Variants in RABEP1 observed in about 807,000 individuals in gnomAD.
The protein encoded by RABEP1 is rabaptin, RAB GTPase binding effector protein 1, also known as rab GTPase-binding effector protein 1.
In RABEP1, 51 loss-of-function variants were observed where a neutral mutation model predicts 123.4. The observed-to-expected ratio is 0.41, with a 90% CI of 0.33 to 0.52. RABEP1 has a LOEUF of 0.52. RABEP1 is among the 20% of genes least tolerant of loss of function. RABEP1 has a pLI of 0.16. For missense variants in RABEP1, 888 were observed against 996.3 expected (o/e 0.89, Z 1.46); for synonymous variants, 347 against 355.2 (o/e 0.98, Z 0.26).
chr17:5,348,827 G>C (rs150866751), intron 6 of RABEP1, among the ~76,000 whole-genome samples: 4,645 of 152,056 alleles, frequency 0.031, 80 homozygotes, highest in Middle Eastern at 0.061. Context: ...TCCCAGAGTG[G>C]TGGGATTACA....
intron 7 of RABEP1, among the ~76,000 whole-genome samples, chr17:5,352,770 G>T (rs920368539): frequency 1.3e-5 from 2 of 152,052 alleles, no homozygotes; most frequent in Non-Finnish European, 2.9e-5. Context: ...GGCGGAGGTT[G>T]CAGTGAGCCG....
Position 5,385,000 on chromosome 17 carries a change from G to C in RABEP1, c.*1777G>C, listed in dbSNP as rs1331964771. ...CAGCCTTTCTGAACTGACTGAACTA[G>C]AGCTTGCAGTGAAGTGTTCTGCTGA... On this transcript the variant is annotated 3_prime_UTR_variant, in exon 18 of 18. Coordinates refer to ENST00000537505, the MANE Select transcript of RABEP1 (RefSeq NM_004703.6). 1 of 228,820 alleles carries C rather than the reference G, an allele frequency of 4.4e-6. No individual in the cohort carries two copies. Among genetic ancestry groups the C allele is most frequent in the East Asian group, 6.3e-5 (1 of 15,926 alleles). The allele number at this position is 228,820 out of a possible 1,614,324, so 14.2% of individuals were successfully genotyped here.
intron 1 of RABEP1, among the ~76,000 whole-genome samples, chr17:5,287,693 G>A (rs2074993226): frequency 6.6e-6 from 1 of 151,832 alleles, no homozygotes; most frequent in South Asian, 2.1e-4. Context: ...GCCTAGGTGG[G>A]TGGATTGCTT....
intron 10 of RABEP1, 86 bp downstream of exon 10, chr17:5,363,102 C>T (rs1909701282): frequency 1.2e-5 from 11 of 950,768 alleles, no homozygotes; most frequent in Non-Finnish European, 1.7e-5. Flanking sequence ...CGGCCCCAGC[C>T]CCATTTACAT....
intron 1 of RABEP1, among the ~76,000 whole-genome samples, chr17:5,308,353 G>C (rs2075201175): frequency 6.6e-6 from 1 of 151,754 alleles, no homozygotes; most frequent in Admixed American, 6.6e-5. Flanking sequence ...AGCCTCCTGA[G>C]TAGCTGGGAT....
At chr17:5,286,277 C>T (rs532951399) in intron 1 of RABEP1, among the ~76,000 whole-genome samples, 1 of 152,320 alleles carries the variant, frequency 6.6e-6, no homozygotes, top group East Asian at 1.9e-4. Context: ...AGATGGATCA[C>T]AAGGTCAGGC....
intron 8 of RABEP1, among the ~76,000 whole-genome samples, chr17:5,357,462 C>T (rs1218159127): frequency 6.6e-6 from 1 of 152,056 alleles, no homozygotes; most frequent in East Asian, 1.9e-4. Flanking sequence ...GCCTCCACCT[C>T]TTGGGTTCAA....
intron 4 of RABEP1, chr17:5,336,837 G>A (rs1238912654): frequency 1.2e-5 from 2 of 169,766 alleles, no homozygotes; most frequent in African/African-American, 4.8e-5. Flanking sequence ...ATGGCTTTGT[G>A]TAAGGACCTG....
At chr17:5,345,136 G>GTT (rs1907966353) in intron 5 of RABEP1, among the ~76,000 whole-genome samples, 1 of 152,134 alleles carries the variant, frequency 6.6e-6, no homozygotes, top group Non-Finnish European at 1.5e-5. Context: ...GGTTGTAAGG[G>GTT]TTATAGAGAA....
In RABEP1 at chr17:5,363,210, T is replaced by G. The variant is rs192971964; in HGVS notation, c.1668+194T>G. On this transcript the variant is annotated intron_variant, in intron 10 of 17. Transcript: ENST00000537505. ...AGCTCACTAGGACTCTGCTTTTTTTTTTTTTGTTTTTGTTTTTGTTTGTTT... is the reference window on the plus strand; with the variant it reads ...AGCTCACTAGGACTCTGCTTTTTTTGTTTTTGTTTTTGTTTTTGTTTGTTT... Among the ~76,000 whole-genome samples the G allele has an allele frequency of 4.1e-3, 622 of 151,786 alleles. 8 individuals are homozygous for G. The highest frequency in any genetic ancestry group is 8.6e-3 in the African/African-American group (355 of 41,404).
chr17:5,377,315 A>G lies in RABEP1; in HGVS notation c.2215+10A>G. ...TGCAAGGAGGAAATAGGTGAAGATA[A>G]AAGTGATGTAGTTTAGAATTAGAGT... On this transcript the variant is annotated intron_variant, in intron 14 of 17. Coordinates refer to ENST00000537505, the MANE Select transcript of RABEP1 (RefSeq NM_004703.6). 1 of 1,570,002 alleles carries G rather than the reference A, an allele frequency of 6.4e-7. No homozygotes were observed. Among genetic ancestry groups the G allele is most frequent in the Non-Finnish European group, 8.6e-7 (1 of 1,166,378 alleles).
chr17:5,314,600 G>A (rs1006093049), intron 2 of RABEP1, among the ~76,000 whole-genome samples: 1 of 148,468 alleles, frequency 6.7e-6, no homozygotes, highest in African/African-American at 2.5e-5. Flanking sequence ...CTCACTGCAA[G>A]CTCCGCCTCC....
At chr17:5,363,197 C>T (rs977515186) in intron 10 of RABEP1, among the ~76,000 whole-genome samples, 181 bp downstream of exon 10, 11 of 150,576 alleles carry the variant, frequency 7.3e-5, no homozygotes, top group African/African-American at 2.4e-4. Flanking sequence ...CTCACTAGGA[C>T]TCTGCTTTTT....
At chr17:5,380,729 C>T (rs889317887) in intron 16 of RABEP1, among the ~76,000 whole-genome samples, 4 of 152,238 alleles carry the variant, frequency 2.6e-5, no homozygotes, top group Non-Finnish European at 5.9e-5. Flanking sequence ...GGGCACTGCC[C>T]AGTTAGAAGC....
intron 12 of RABEP1, among the ~76,000 whole-genome samples, chr17:5,369,102 CTCTT>C (rs1331167608): frequency 1.3e-5 from 2 of 151,902 alleles, no homozygotes; most frequent in African/African-American, 4.8e-5. Context: ...CAGCAAGACT[CTCTT>C]TCAAAAGAAA....
In RABEP1 at chr17:5,362,995, G is replaced by A. The variant is rs1422829329; in HGVS notation, c.1647G>A (p.Gln549=). ...YEKQLQGIQI[Q]EAETRDQVKK... ...AACAGTTACAAGGAATTCAGATTCA[G>A]GAGGCTGAAACGAGAGACCAGGTGA... The change falls in exon 10 of 18, where the codon CAG becomes CAA. Residue 549 remains glutamine (Q), a synonymous_variant. Coordinates refer to ENST00000537505, the MANE Select transcript of RABEP1 (RefSeq NM_004703.6). The A allele has an allele frequency of 2.5e-6, 4 of 1,612,884 alleles. No homozygotes were observed. The East Asian group carries it at 8.9e-5, about 36-fold the overall frequency.
intron 2 of RABEP1, among the ~76,000 whole-genome samples, chr17:5,316,832 CAAAAAAAA>C (rs55890740): frequency 1.5e-5 from 1 of 67,176 alleles, no homozygotes; most frequent in East Asian, 4.8e-4. Context: ...GACTCTGTCT[CAAAAAAAA>C]AAAAAAAAAA....
chr17:5,367,411 A>G (rs1055025878), intron 11 of RABEP1, among the ~76,000 whole-genome samples: 7 of 150,428 alleles, frequency 4.7e-5, no homozygotes, highest in East Asian at 2.0e-4. Context: ...AGCTGGGACT[A>G]CAGGCACCCG....
At position 5,362,833 on chromosome 17, in the gene RABEP1, G is replaced by A. The variant is rs1182355423; in HGVS notation, c.1564-79G>A. 59 of 924,826 alleles carry A rather than the reference G, an allele frequency of 6.4e-5. No homozygotes were observed. In the Admixed American group the frequency reaches 1.1e-3, roughly 17 times the overall value. 57.3% of individuals were successfully genotyped at this position (924,826 alleles called of 1,614,324 possible). On this transcript the variant is annotated intron_variant, in intron 9 of 17. Transcript: ENST00000537505. Reference sequence around the variant, plus strand: ...CTGCATGTTCTACTGACTACCATTGGTAAGACTATGCACGTGTACCTCAAG... The same window carrying A: ...CTGCATGTTCTACTGACTACCATTGATAAGACTATGCACGTGTACCTCAAG...
Sources: allele counts gnomAD v4.1 joint callset (sites outside exome capture counted in the v4.1 genomes callset), GRCh38; gene constraint gnomAD v4.1.1; transcripts MANE v1.5; gene names NCBI Gene and HGNC (gene_info 2026-07-23, HGNC 2026-07-21).